Variants in UST observed in about 807,000 individuals in gnomAD.
The protein encoded by UST is chondroitin sulfate 2-O-sulfotransferase.
Under a neutral mutation model 45.6 loss-of-function variants are expected in UST, and 21 were observed. The ratio of observed to expected loss-of-function variants is 0.46; its 90% CI spans 0.33 to 0.66. The LOEUF (loss-of-function observed/expected upper bound fraction) is 0.66, where lower values mean the gene tolerates loss of function less well. Ranked by LOEUF, UST falls within the 30% of genes least tolerant of loss-of-function variation. UST has a pLI of 0.02. For synonymous variants in UST, 215 were observed against 200.6 expected, an observed-to-expected ratio of 1.07 and a Z score of -0.61; for missense variants, 463 against 512.4, an observed-to-expected ratio of 0.90 and a Z score of 0.93.
intron 2 of UST, among the ~76,000 whole-genome samples, chr6:148,918,303 G>A (rs967161537): frequency 1.3e-5 from 2 of 152,180 alleles, no homozygotes; most frequent in African/African-American, 2.4e-5. Context: ...GTTTGAGAGT[G>A]TACTTGGAAA....
intron 5 of UST, among the ~76,000 whole-genome samples, chr6:149,002,991 A>G (rs184061060): frequency 2.0e-5 from 3 of 152,344 alleles, no homozygotes; most frequent in East Asian, 1.9e-4. Flanking sequence ...GTGATGCCTT[A>G]TGTACAGTAG....
chr6:148,915,874 G>A (rs1472804327), intron 2 of UST, among the ~76,000 whole-genome samples: 1 of 152,158 alleles, frequency 6.6e-6, no homozygotes, highest in African/African-American at 2.4e-5. Flanking sequence ...GATTTGAAGG[G>A]TGGTGTGGGG....
At position 148,999,599 on chromosome 6, in the gene UST, G is replaced by GGCTCCC. The variant is rs1197481737; in HGVS notation, c.682-19540_682-19539insGCTCCC. On this transcript the variant is annotated intron_variant, in intron 5 of 7. Transcript: ENST00000367463. ...CAGGGTCTGTAAGAAGAACCCTCAGGAATAATGCTGTTTGATGTCTGACTT... is the reference window on the plus strand; with the variant it reads ...CAGGGTCTGTAAGAAGAACCCTCAGGGCTCCCAATAATGCTGTTTGATGTCTGACTT... Among the ~76,000 whole-genome samples, 338 of 140,000 alleles carry GGCTCCC rather than the reference G, an allele frequency of 2.4e-3. 1 individual carries two copies. The highest frequency in any genetic ancestry group is 3.6e-3 in the Non-Finnish European group (214 of 59,828). The allele number at this position is 140,000 out of a possible 152,430, so 91.8% of individuals were successfully genotyped here.
rs562183068 is a variant in UST at position 149,052,490 on chromosome 6, C to T, written c.938-21343C>T. On this transcript the variant is annotated intron_variant, in intron 7 of 7. Coordinates refer to ENST00000367463, the MANE Select transcript of UST (RefSeq NM_005715.3). ...CCACCAACTTAGAGATGATTCATAA[C>T]GCTTCTATGTTACTGAGCTGGTCGC... 4.7e-4 allele frequency among the ~76,000 whole-genome samples: 72 copies of T among 152,230 alleles called. 1 individual carries two copies. The South Asian group carries it at 4.8e-3, about 10-fold the overall frequency.
At chr6:148,842,780 C>T (rs957063549) in intron 1 of UST, among the ~76,000 whole-genome samples, 5 of 152,178 alleles carry the variant, frequency 3.3e-5, no homozygotes, top group African/African-American at 4.8e-5. Flanking sequence ...GCAAATACAG[C>T]GTGGCCCTCG....
chr6:149,010,018 TA>T (rs990428647), intron 5 of UST, among the ~76,000 whole-genome samples: 217 of 149,362 alleles, frequency 1.5e-3, no homozygotes, highest in African/African-American at 4.8e-3. Flanking sequence ...TAAGTTTTTT[TA>T]AAAAAAAAAC....
chr6:149,068,564 G>C (rs1303712635), intron 7 of UST, among the ~76,000 whole-genome samples: 1 of 152,146 alleles, frequency 6.6e-6, no homozygotes, highest in Non-Finnish European at 1.5e-5. Context: ...GTGCAAATAT[G>C]TCCTGGTTCT....
At chr6:148,765,609 T>G (rs914382032) in intron 1 of UST, among the ~76,000 whole-genome samples, 1 of 152,116 alleles carries the variant, frequency 6.6e-6, no homozygotes, top group Non-Finnish European at 1.5e-5. Flanking sequence ...ACGAAGATGA[T>G]GGGATTAAGA....
intron 1 of UST, among the ~76,000 whole-genome samples, chr6:148,875,002 T>C (rs936826783): frequency 3.3e-5 from 5 of 152,224 alleles, no homozygotes; most frequent in African/African-American, 4.8e-5. Flanking sequence ...GTGTCATAGG[T>C]AACCGGAATC....
chr6:149,074,137 G>A lies in UST; in HGVS notation c.*21G>A. The A allele has an allele frequency of 2.5e-6, 4 of 1,605,792 alleles. No individual in the cohort carries two copies. Among genetic ancestry groups the A allele is most frequent in the Non-Finnish European group, 3.4e-6 (4 of 1,174,018 alleles). On this transcript the variant is annotated 3_prime_UTR_variant, in exon 8 of 8. Coordinates refer to ENST00000367463, the MANE Select transcript of UST (RefSeq NM_005715.3). ...GGTGATGTGACTGTGTTGCCTCTATGGCTTTATCTCCCTTTTCCAGAAAGT... is the reference window on the plus strand; with the variant it reads ...GGTGATGTGACTGTGTTGCCTCTATAGCTTTATCTCCCTTTTCCAGAAAGT...
intron 7 of UST, among the ~76,000 whole-genome samples, chr6:149,034,834 TTCTCTCTCTCTCTCTC>T (rs60813679): frequency 0.11 from 5,067 of 45,462 alleles, 191 homozygotes; most frequent in Non-Finnish European, 0.14. Flanking sequence ...TTCATGCTCA[TTCTCTCTCTCTCTCTC>T]TCTCTCTCTC....
intron 1 of UST, among the ~76,000 whole-genome samples, chr6:148,758,426 G>T (rs1776138598): frequency 6.6e-6 from 1 of 152,132 alleles, no homozygotes; most frequent in Non-Finnish European, 1.5e-5. Context: ...AATAAAAATA[G>T]CTGTGTGGAG....
At chr6:148,766,810 G>T (rs1451684487) in intron 1 of UST, among the ~76,000 whole-genome samples, 3 of 152,212 alleles carry the variant, frequency 2.0e-5, no homozygotes, top group Admixed American at 2.0e-4. Flanking sequence ...ATTCTAATAT[G>T]CAACCAAAGT....
At chr6:148,866,570 C>T (rs1041913683) in intron 1 of UST, among the ~76,000 whole-genome samples, 91 of 152,160 alleles carry the variant, frequency 6.0e-4, no homozygotes, top group Non-Finnish European at 1.0e-3. Context: ...ATAATAAATG[C>T]CAGTTGCATT....
At chr6:149,029,446 A>AATATG (rs55780020) in intron 7 of UST, among the ~76,000 whole-genome samples, 3 of 145,130 alleles carry the variant, frequency 2.1e-5, no homozygotes, top group Non-Finnish European at 4.5e-5. Context: ...ATTATATTAT[A>AATATG]TTATATATAC....
Position 148,894,321 on chromosome 6 carries a change from G to A in UST, c.291+7292G>A, listed in dbSNP as rs545871241. 4.5e-4 allele frequency among the ~76,000 whole-genome samples: 68 copies of A among 152,316 alleles called. No homozygotes were observed. The South Asian group carries it at 0.014, about 32-fold the overall frequency. ...GATCCTGTTTGTAATTAGGCTCTTTGCAGATGAAGATGAGGTCATACTGGA... is the reference window on the plus strand; with the variant it reads ...GATCCTGTTTGTAATTAGGCTCTTTACAGATGAAGATGAGGTCATACTGGA... On this transcript the variant is annotated intron_variant, in intron 2 of 7. Transcript: ENST00000367463.
At chr6:148,964,326 T>A in intron 4 of UST, 84 bp from the exon 5 acceptor site, 1 of 1,533,832 alleles carries the variant, frequency 6.5e-7, no homozygotes, top group Non-Finnish European at 8.9e-7. Flanking sequence ...TAAGTTAACC[T>A]AGAGGGAAGG....
chr6:149,002,958 C>T (rs527311384), intron 5 of UST, among the ~76,000 whole-genome samples: 6 of 152,300 alleles, frequency 3.9e-5, no homozygotes, highest in East Asian at 1.9e-4. Context: ...ATTCATTGGT[C>T]GCTTAAAGCC....
intron 3 of UST, among the ~76,000 whole-genome samples, chr6:148,947,557 T>C (rs1780270403): frequency 6.6e-6 from 1 of 152,212 alleles, no homozygotes; most frequent in African/African-American, 2.4e-5. Context: ...AGTGAATCCT[T>C]TACTACGCTA....
Sources: allele counts gnomAD v4.1 joint callset (sites outside exome capture counted in the v4.1 genomes callset), GRCh38; gene constraint gnomAD v4.1.1; transcripts MANE v1.5; gene names NCBI Gene and HGNC (gene_info 2026-07-23, HGNC 2026-07-21).